Variants in MYO1B observed in about 807,000 individuals in gnomAD.
The protein encoded by MYO1B is myosin IB, also known as unconventional myosin-Ib.
A neutral mutation model predicts 159.7 loss-of-function variants in MYO1B; 72 were observed. The observed-to-expected ratio is 0.45, with a 90% CI of 0.37 to 0.55. The LOEUF (loss-of-function observed/expected upper bound fraction) is 0.55. Ranked by LOEUF, MYO1B falls within the 20% of genes least tolerant of loss-of-function variation. The pLI, the probability that MYO1B is intolerant of heterozygous loss-of-function variation, is 0.00. For missense variants in MYO1B, 1,062 were observed against 1,364.8 expected (o/e 0.78, Z 3.50); for synonymous variants, 468 against 473.8 (o/e 0.99, Z 0.16).
At chr2:191,371,957 T>C (rs529837019) in intron 13 of MYO1B, among the ~76,000 whole-genome samples, 2 of 152,364 alleles carry the variant, frequency 1.3e-5, no homozygotes, top group South Asian at 4.1e-4. Flanking sequence ...TTGAGGTTTC[T>C]GAGTTAGGAG....
At chr2:191,360,782 T>C in intron 8 of MYO1B, 53 bp downstream of exon 8, 1 of 1,352,782 alleles carries the variant, frequency 7.4e-7, no homozygotes. Flanking sequence ...TTGTTGTTGT[T>C]GTTGTTGGAG....
Position 191,372,879 on chromosome 2 carries a change from C to CTTTTTTTTT in MYO1B, c.1185+2605_1185+2613dup, listed in dbSNP as rs34444520. 3.8e-4 allele frequency among the ~76,000 whole-genome samples: 27 copies of CTTTTTTTTT among 70,146 alleles called. 2 individuals are homozygous for CTTTTTTTTT. Among genetic ancestry groups the CTTTTTTTTT allele is most frequent in the African/African-American group, 1.3e-3 (22 of 16,898 alleles). 46.0% of individuals were successfully genotyped at this position (70,146 alleles called of 152,430 possible). On this transcript the variant is annotated intron_variant, in intron 13 of 30. Coordinates refer to ENST00000392318, the MANE Select transcript of MYO1B (RefSeq NM_001130158.3). ...TATGAAAATGCCTGCGTTATATTTCCTTTTTTTTTTTTTTTTTTTTTTTTT... is the reference window on the plus strand; with the variant it reads ...TATGAAAATGCCTGCGTTATATTTCCTTTTTTTTTTTTTTTTTTTTTTTTTTTTTTTTTT...
At chr2:191,413,614 T>C (rs1442273521) in intron 27 of MYO1B, among the ~76,000 whole-genome samples, 1 of 152,182 alleles carries the variant, frequency 6.6e-6, no homozygotes, top group African/African-American at 2.4e-5. Flanking sequence ...TTAGAGCAGG[T>C]GATGGTAATG....
intron 2 of MYO1B, among the ~76,000 whole-genome samples, chr2:191,284,069 G>A (rs1688219128): frequency 6.6e-6 from 1 of 152,204 alleles, no homozygotes; most frequent in African/African-American, 2.4e-5. Flanking sequence ...TGTGGAAGGT[G>A]GGAGAAGATA....
chr2:191,300,319 C>T (rs1689235256), intron 3 of MYO1B, among the ~76,000 whole-genome samples: 1 of 150,766 alleles, frequency 6.6e-6, no homozygotes, highest in Non-Finnish European at 1.5e-5. Context: ...CCCAATATTA[C>T]ATTTGAAATT....
intron 5 of MYO1B, among the ~76,000 whole-genome samples, chr2:191,344,865 GA>G (rs1692467977): frequency 7.2e-6 from 1 of 139,162 alleles, no homozygotes; most frequent in African/African-American, 2.7e-5. Context: ...TCAAAAACAC[GA>G]AAAAGCCACT....
In MYO1B at chr2:191,402,655, G is replaced by A. The variant is rs555004370; in HGVS notation, c.2493G>A (p.Leu831=). ...AGGCTCGAAGGGAATTGAAACGCTT[G>A]AAGGAGGAGGCTAGGCGTAAGCATG... ...GSKARRELKR[L]KEEARRKHAV... Residue 831 remains leucine (L), a synonymous_variant, in exon 24 of 31, where the codon TTG becomes TTA. Coordinates refer to ENST00000392318, the MANE Select transcript of MYO1B (RefSeq NM_001130158.3). The A allele has an allele frequency of 1.1e-5, 17 of 1,613,636 alleles. No homozygotes were observed. Among genetic ancestry groups the A allele is most frequent in the Non-Finnish European group, 1.4e-5 (17 of 1,179,788 alleles).
At chr2:191,331,185 A>C (rs956129606) in intron 4 of MYO1B, among the ~76,000 whole-genome samples, 6 of 152,056 alleles carry the variant, frequency 3.9e-5, no homozygotes, top group Non-Finnish European at 8.8e-5. Flanking sequence ...ATTGTTTTGC[A>C]GGGCTAGCCA....
At chr2:191,405,809 G>A (rs1696883391) in intron 24 of MYO1B, among the ~76,000 whole-genome samples, 1 of 152,244 alleles carries the variant, frequency 6.6e-6, no homozygotes. Flanking sequence ...GGAGCACACA[G>A]GCGGAGTAGA....
intron 6 of MYO1B, among the ~76,000 whole-genome samples, chr2:191,348,747 A>G (rs1692729237): frequency 6.6e-6 from 1 of 152,230 alleles, no homozygotes; most frequent in Non-Finnish European, 1.5e-5. Flanking sequence ...TGTCAGCTAC[A>G]TCTTCTCTTG....
At chr2:191,287,084 G>T (rs1469200954) in intron 2 of MYO1B, among the ~76,000 whole-genome samples, 1 of 152,178 alleles carries the variant, frequency 6.6e-6, no homozygotes, top group Non-Finnish European at 1.5e-5. Context: ...ATAGATTCCA[G>T]TAGAGCCCAG....
chr2:191,414,694 G>T (rs1487368690), intron 29 of MYO1B, 25 bp downstream of exon 29: 1 of 1,588,118 alleles, frequency 6.3e-7, no homozygotes, highest in Non-Finnish European at 8.5e-7. Flanking sequence ...GAAGATTTCT[G>T]TGCTTAATCT....
chr2:191,418,179 G>T (rs1433888415), intron 30 of MYO1B, among the ~76,000 whole-genome samples: 2 of 152,194 alleles, frequency 1.3e-5, no homozygotes, highest in Non-Finnish European at 2.9e-5. Flanking sequence ...CAGGAAGCCT[G>T]CAGAGGAAGT....
Position 191,408,138 on chromosome 2 carries a change from C to G in MYO1B, c.2580C>G (p.Phe860Leu). ...AGGTACGTAGAGAATACAGGAAATT[C>G]TTCAGAGCCAATGCTGGAAAGAAAA... is the stretch of plus-strand genomic sequence containing the variant. ...GLKVRREYRK[F>L]FRANAGKKIY... is the part of the protein sequence containing the mutation. Residue 860 changes from phenylalanine (F) to leucine (L), a missense_variant, in exon 25 of 31, where the codon TTC becomes TTG. By Grantham distance (22) the Phe-to-Leu change is conservative (BLOSUM62 0). This residue lies in a region of MYO1B where 609 missense variants were observed against 744.4 expected (regional missense o/e 0.82). Transcript: ENST00000392318. 1 of 1,613,166 alleles carries G rather than the reference C, an allele frequency of 6.2e-7. No homozygotes were observed. Among genetic ancestry groups the G allele is most frequent in the South Asian group, 1.1e-5 (1 of 91,038 alleles).
intron 24 of MYO1B, among the ~76,000 whole-genome samples, chr2:191,403,081 C>T (rs1387187328): frequency 6.6e-6 from 1 of 152,158 alleles, no homozygotes; most frequent in Non-Finnish European, 1.5e-5. Flanking sequence ...CAGTGACCAG[C>T]CTAGGGATGC....
chr2:191,409,289 T>C (rs1269446342), intron 26 of MYO1B, 111 bp downstream of exon 26: 1 of 1,220,424 alleles, frequency 8.2e-7, no homozygotes, highest in East Asian at 2.4e-5. Flanking sequence ...TCAAAGAGGA[T>C]TACTTGAGGA....
chr2:191,416,077 A>G (rs1405192363), intron 29 of MYO1B, 38 bp from the exon 30 acceptor site: 3 of 1,596,958 alleles, frequency 1.9e-6, no homozygotes, highest in Admixed American at 1.8e-5. Context: ...CTTCTAAGGT[A>G]TCTTTAATTA....
chr2:191,282,712 T>C (rs1486341501), intron 2 of MYO1B, among the ~76,000 whole-genome samples: 1 of 152,208 alleles, frequency 6.6e-6, no homozygotes, highest in Non-Finnish European at 1.5e-5. Context: ...CTCTTTTATC[T>C]AGACGGGCAG....
At chr2:191,312,246 T>C (rs1351452836) in intron 3 of MYO1B, among the ~76,000 whole-genome samples, 1 of 152,222 alleles carries the variant, frequency 6.6e-6, no homozygotes, top group Non-Finnish European at 1.5e-5. Flanking sequence ...ACATTTTTTT[T>C]CACTTGGCCT....
Sources: allele counts gnomAD v4.1 joint callset (sites outside exome capture counted in the v4.1 genomes callset), GRCh38; gene constraint gnomAD v4.1.1; regional missense constraint gnomAD v4.1.1; transcripts MANE v1.5; gene names NCBI Gene and HGNC (gene_info 2026-07-23, HGNC 2026-07-21).